Variants in EDA observed in about 807,000 individuals in gnomAD.
EDA encodes ectodysplasin-A.
In EDA, 2 loss-of-function variants were observed where a neutral mutation model predicts 23.6. The observed-to-expected ratio is 0.08, with a 90% CI of 0.03 to 0.27. The LOEUF is 0.27. Among genes scored for constraint, EDA ranks in the 10% least tolerant of loss-of-function variants. EDA has a pLI of 1.00. For missense variants in EDA, 229 were observed against 324.2 expected, an observed-to-expected ratio of 0.71 and a Z score of 2.26; for synonymous variants, 131 against 132.0, an observed-to-expected ratio of 0.99 and a Z score of 0.05.
intron 1 of EDA, among the ~76,000 whole-genome samples, chrX:69,900,884 C>T (rs752208508): frequency 1.1e-4 from 12 of 111,261 alleles, no homozygotes; most frequent in Non-Finnish European, 9.4e-5. Flanking sequence ...ACCCTCTTTT[C>T]TCTCTCCCTA....
intron 1 of EDA, among the ~76,000 whole-genome samples, chrX:69,810,157 C>T (rs2015912966): frequency 9.8e-6 from 1 of 102,170 alleles, no homozygotes; most frequent in Non-Finnish European, 2.0e-5. Context: ...ACTCAGGAGG[C>T]TGAGGCAGGA....
At chrX:69,778,418 A>T (rs2014847218) in intron 1 of EDA, among the ~76,000 whole-genome samples, 1 of 111,735 alleles carries the variant, frequency 8.9e-6, no homozygotes, top group African/African-American at 3.2e-5. Context: ...TCTAAAACTC[A>T]TACCACTAAA....
At chrX:69,712,653 T>C (rs918288463) in intron 1 of EDA, among the ~76,000 whole-genome samples, 14 of 111,353 alleles carry the variant, frequency 1.3e-4, no homozygotes, top group Admixed American at 6.7e-4. Context: ...GTCAGTGTGG[T>C]GATTCCTCAG....
intron 2 of EDA, among the ~76,000 whole-genome samples, chrX:69,962,580 C>T (rs187066288): frequency 4.5e-5 from 5 of 110,805 alleles, no homozygotes; most frequent in Admixed American, 1.9e-4. Context: ...TACAGGCACC[C>T]GCCACCACAC....
intron 2 of EDA, among the ~76,000 whole-genome samples, chrX:69,960,974 G>A (rs1162856037): frequency 9.2e-6 from 1 of 108,960 alleles, no homozygotes; most frequent in South Asian, 4.0e-4. Context: ...AGCCAAGATC[G>A]TGCCACTGCA....
intron 1 of EDA, among the ~76,000 whole-genome samples, chrX:69,787,893 A>G (rs962740400): frequency 1.8e-5 from 2 of 111,794 alleles, no homozygotes; most frequent in East Asian, 2.8e-4. Context: ...GTGTTTTCCA[A>G]CTTGGCTCCA....
intron 1 of EDA, among the ~76,000 whole-genome samples, chrX:69,896,491 C>A (rs2018018236): frequency 9.1e-6 from 1 of 109,361 alleles, no homozygotes; most frequent in Non-Finnish European, 1.9e-5. Flanking sequence ...TGGTTTCGTA[C>A]AACATACAAA....
At chrX:70,007,511 C>T (rs966204707) in intron 2 of EDA, among the ~76,000 whole-genome samples, 1 of 111,788 alleles carries the variant, frequency 8.9e-6, no homozygotes, top group Non-Finnish European at 1.9e-5. Context: ...TAAGACATGC[C>T]TGTTTTGCCT....
At chrX:69,706,844 T>C (rs1172741578) in intron 1 of EDA, among the ~76,000 whole-genome samples, 2 of 111,405 alleles carry the variant, frequency 1.8e-5, no homozygotes, top group African/African-American at 6.5e-5. Context: ...ATGTTAATGC[T>C]GAAGAGGCCT....
intron 1 of EDA, among the ~76,000 whole-genome samples, chrX:69,697,502 T>C (rs1440756586): frequency 8.9e-6 from 1 of 111,886 alleles, no homozygotes; most frequent in Non-Finnish European, 1.9e-5. Context: ...TGGGGGGTGT[T>C]GTGGGCACCT....
At chrX:69,789,389 G>T (rs1222615742) in intron 1 of EDA, among the ~76,000 whole-genome samples, 1 of 112,575 alleles carries the variant, frequency 8.9e-6, no homozygotes, top group Non-Finnish European at 1.9e-5. Context: ...ACCAGAAGTA[G>T]TAGCAGAATA....
chrX:69,790,053 A>C (rs1430137456), intron 1 of EDA, among the ~76,000 whole-genome samples: 1 of 111,903 alleles, frequency 8.9e-6, no homozygotes. Context: ...TTGGCTTATC[A>C]GCATGGTGGC....
At chrX:69,624,699 G>T (rs1325878532) in intron 1 of EDA, among the ~76,000 whole-genome samples, 1 of 107,434 alleles carries the variant, frequency 9.3e-6, no homozygotes, top group African/African-American at 3.4e-5. Context: ...CCAAAGCTTG[G>T]GTTTTTTTTT....
chrX:69,798,909 A>G (rs2015608606), intron 1 of EDA, among the ~76,000 whole-genome samples: 1 of 111,752 alleles, frequency 8.9e-6, no homozygotes, highest in African/African-American at 3.2e-5. Context: ...CTGAGCAAAA[A>G]GAGCAAAACT....
In EDA at chrX:69,616,124, C is replaced by A. The variant is rs894166507; in HGVS notation, c.-185C>A. On this transcript the variant is annotated 5_prime_UTR_variant, in exon 1 of 8. Transcript: ENST00000374552. ...CCGCCCCTCCTCCTCCCTTTCCCAC[C>A]CCTCGGAGTAGAGCTGCACATGCGG... 16 of 432,001 alleles carry A rather than the reference C, an allele frequency of 3.7e-5. No homozygotes were observed. The highest frequency in any genetic ancestry group is 5.8e-5 in the Non-Finnish European group (15 of 258,530). 35.6% of individuals were successfully genotyped at this position (432,001 alleles called of 1,213,427 possible).
chrX:69,777,118 A>G (rs1259190458), intron 1 of EDA, among the ~76,000 whole-genome samples: 2 of 103,982 alleles, frequency 1.9e-5, no homozygotes, highest in African/African-American at 7.0e-5. Flanking sequence ...GCTTATGACA[A>G]TTGTTTGTTT....
chrX:69,787,723 C>T (rs1238355405), intron 1 of EDA, among the ~76,000 whole-genome samples: 5 of 111,229 alleles, frequency 4.5e-5, no homozygotes, highest in Non-Finnish European at 7.5e-5. Context: ...CTGCCCTTAA[C>T]ATTTTTTCCT....
At chrX:69,780,984 T>C (rs778117353) in intron 1 of EDA, among the ~76,000 whole-genome samples, 10 of 112,221 alleles carry the variant, frequency 8.9e-5, no homozygotes, top group African/African-American at 3.2e-4. Context: ...TTTATATAAA[T>C]AGAATCACAC....
intron 1 of EDA, among the ~76,000 whole-genome samples, chrX:69,874,357 G>T (rs982625205): frequency 2.7e-5 from 3 of 111,653 alleles, no homozygotes; most frequent in Admixed American, 1.9e-4. Context: ...GTCAATTAAT[G>T]TGATACACCA....
Sources: allele counts gnomAD v4.1 joint callset (sites outside exome capture counted in the v4.1 genomes callset), GRCh38; gene constraint gnomAD v4.1.1; transcripts MANE v1.5; gene names NCBI Gene and HGNC (gene_info 2026-07-23, HGNC 2026-07-21).